PPARGC1A: variants seen among roughly 807,000 people sequenced by gnomAD.
PPARGC1A encodes the protein PPARG coactivator 1 alpha.
Under a neutral mutation model 88.7 loss-of-function variants are expected in PPARGC1A, and 25 were observed. The ratio of observed to expected loss-of-function variants is 0.28; its 90% CI spans 0.21 to 0.39. PPARGC1A has a LOEUF of 0.39. Among genes scored for constraint, PPARGC1A ranks in the 10% least tolerant of loss-of-function variants. The probability of loss-of-function intolerance (pLI) is 1.00; values close to 1 mark genes in which losing one functional copy is unlikely to be tolerated. For synonymous variants in PPARGC1A, 363 were observed against 355.6 expected (o/e 1.02, Z -0.24); for missense variants, 880 against 968.7 (o/e 0.91, Z 1.22).
At chr4:23,992,532 A>G in the PPARGC1A span, among the ~76,000 whole-genome samples, 33,063 of 151,510 alleles carry the variant, frequency 0.22, 3,656 homozygotes, top group East Asian at 0.29. Flanking sequence ...GTTTGCACCC[A>G]AAAAAAACAG....
At chr4:24,077,091 G>C in the PPARGC1A span, among the ~76,000 whole-genome samples, 1 of 152,000 alleles carries the variant, frequency 6.6e-6, no homozygotes, top group Non-Finnish European at 1.5e-5. Flanking sequence ...CAACAGATCA[G>C]TTCCACTTTT....
chr4:23,841,321 T>G (rs930030402), intron 2 of PPARGC1A, among the ~76,000 whole-genome samples: 1 of 152,114 alleles, frequency 6.6e-6, no homozygotes, highest in African/African-American at 2.4e-5. Flanking sequence ...TATAACACAC[T>G]CATCTTCAAG....
At chr4:24,307,865 T>A in the PPARGC1A span, among the ~76,000 whole-genome samples, 1 of 152,214 alleles carries the variant, frequency 6.6e-6, no homozygotes, top group Non-Finnish European at 1.5e-5. Flanking sequence ...ATAGCAGTGA[T>A]ATTCTTTCCG....
At chr4:24,042,112 G>A in the PPARGC1A span, among the ~76,000 whole-genome samples, 2 of 152,058 alleles carry the variant, frequency 1.3e-5, no homozygotes, top group Admixed American at 1.3e-4. Context: ...GTGCCATCTG[G>A]ACAACTGATA....
upstream of PPARGC1A, among the ~76,000 whole-genome samples, chr4:23,903,729 T>A (rs1254593746): frequency 6.6e-6 from 1 of 152,136 alleles, no homozygotes; most frequent in East Asian, 1.9e-4. Flanking sequence ...AAATGCATGG[T>A]CATAATATCC....
At chr4:24,144,628 C>T in the PPARGC1A span, among the ~76,000 whole-genome samples, 9 of 150,440 alleles carry the variant, frequency 6.0e-5, no homozygotes, top group South Asian at 4.3e-4. Flanking sequence ...TTGAGACCAG[C>T]GCAGAGAGGG....
the PPARGC1A span, among the ~76,000 whole-genome samples, chr4:23,941,112 G>A: frequency 2.6e-5 from 4 of 152,118 alleles, no homozygotes; most frequent in African/African-American, 9.7e-5. Context: ...ATACAATGGT[G>A]CAGTCATAGC....
At chr4:23,955,525 G>A in the PPARGC1A span, among the ~76,000 whole-genome samples, 739 of 152,186 alleles carry the variant, frequency 4.9e-3, 9 homozygotes, top group African/African-American at 0.017. Flanking sequence ...TCTAAAATCA[G>A]TTAGTTGGCA....
At chr4:23,893,499 AAAAC>A (rs1467240249), upstream of PPARGC1A, among the ~76,000 whole-genome samples, 3 of 152,182 alleles carry the variant, frequency 2.0e-5, no homozygotes, top group African/African-American at 7.2e-5. Flanking sequence ...TTATTTTAAT[AAAAC>A]AAACAAAAAA....
chr4:23,959,903 G>A, the PPARGC1A span, among the ~76,000 whole-genome samples: 1 of 152,132 alleles, frequency 6.6e-6, no homozygotes, highest in African/African-American at 2.4e-5. Context: ...CTCATGCAAT[G>A]AGTGCCCAAA....
the PPARGC1A span, among the ~76,000 whole-genome samples, chr4:23,952,512 A>G: frequency 1.3e-5 from 2 of 152,074 alleles, no homozygotes; most frequent in South Asian, 4.1e-4. Context: ...CCTACTGGAC[A>G]GTTACCCCAC....
intron 2 of PPARGC1A, among the ~76,000 whole-genome samples, chr4:23,880,490 A>T (rs996571351): frequency 6.6e-6 from 1 of 152,044 alleles, no homozygotes; most frequent in Non-Finnish European, 1.5e-5. Flanking sequence ...CAGATTCCCT[A>T]CTCCTCAAAT....
At chr4:24,003,555 A>G in the PPARGC1A span, among the ~76,000 whole-genome samples, 1 of 152,168 alleles carries the variant, frequency 6.6e-6, no homozygotes, top group East Asian at 1.9e-4. Flanking sequence ...TCAGGTGTCA[A>G]GGAGCCAACC....
the PPARGC1A span, among the ~76,000 whole-genome samples, chr4:24,319,977 C>T: frequency 6.6e-6 from 1 of 152,134 alleles, no homozygotes; most frequent in Non-Finnish European, 1.5e-5. Flanking sequence ...ATACTAGACA[C>T]AGGTGTGCCT....
the PPARGC1A span, among the ~76,000 whole-genome samples, chr4:24,316,043 C>T: frequency 6.6e-6 from 1 of 152,214 alleles, no homozygotes; most frequent in Non-Finnish European, 1.5e-5. Context: ...GGACCCAAGA[C>T]TTTTCATTCT....
chr4:23,890,602 C>CTTTTTTTT (rs56855205), upstream of PPARGC1A, among the ~76,000 whole-genome samples: 13 of 103,266 alleles, frequency 1.3e-4, no homozygotes, highest in East Asian at 9.9e-4. Context: ...GCAAACGGGG[C>CTTTTTTTT]TTTTTTTTTT....
At chr4:23,881,893 A>G (rs1362123568) in intron 2 of PPARGC1A, 1 of 152,198 alleles carries the variant, frequency 6.6e-6, no homozygotes, top group African/African-American at 2.4e-5. Context: ...CTTCCCTGAA[A>G]TGCTGCTTTG....
At position 23,855,250 on chromosome 4, in the gene PPARGC1A, T is replaced by C. The variant is rs573213117; in HGVS notation, c.235-23499A>G. On this transcript the variant is annotated intron_variant, in intron 2 of 12. Transcript: ENST00000264867. Reference sequence around the variant, plus strand: ...TTTGTAAATCACCCAGTCTCAGGTATGTCTTTAGCAGCAGAGTGAGACTGG... The same window carrying C: ...TTTGTAAATCACCCAGTCTCAGGTACGTCTTTAGCAGCAGAGTGAGACTGG... 4.6e-5 allele frequency among the ~76,000 whole-genome samples: 7 copies of C among 152,286 alleles called. No homozygotes were observed. The East Asian group carries it at 1.4e-3, about 29-fold the overall frequency.
chr4:24,131,571 A>T, the PPARGC1A span, among the ~76,000 whole-genome samples: 2 of 152,228 alleles, frequency 1.3e-5, no homozygotes. Flanking sequence ...ATATTTCTCC[A>T]ACTAATCAGA....
Sources: gnomAD v4.1 joint callset for allele counts (sites outside exome capture counted in the v4.1 genomes callset) on GRCh38, gnomAD v4.1.1 for gene constraint, MANE v1.5 for transcripts, NCBI Gene and HGNC (gene_info 2026-07-23, HGNC 2026-07-21) for gene names.